The following RAD54B variants were observed in gnomAD, a reference collection of about 807,000 sequenced individuals.
RAD54B encodes the protein RAD54 homolog B, also known as DNA repair and recombination protein RAD54B.
A neutral mutation model predicts 95.8 loss-of-function variants in RAD54B; 78 were observed. The ratio of observed to expected loss-of-function variants is 0.81; its 90% CI spans 0.68 to 0.98. The LOEUF (loss-of-function observed/expected upper bound fraction) is 0.98, where lower values mean the gene tolerates loss of function less well. Among genes scored for constraint, RAD54B ranks in the 50% least tolerant of loss-of-function variants. The probability of loss-of-function intolerance (pLI) is 0.00; values close to 1 mark genes in which losing one functional copy is unlikely to be tolerated. For missense variants in RAD54B, 957 were observed against 1,056.6 expected (o/e 0.91, Z 1.31); for synonymous variants, 328 against 354.9 (o/e 0.92, Z 0.85).
chr8:94,374,645 A>T (rs886341044), intron 14 of RAD54B, among the ~76,000 whole-genome samples: 9 of 152,172 alleles, frequency 5.9e-5, no homozygotes, highest in African/African-American at 2.2e-4. Flanking sequence ...TTAAGACAAA[A>T]TGAAAGCAAA....
At chr8:94,437,039 T>A in intron 3 of RAD54B, 1 of 1,338,666 alleles carries the variant, frequency 7.5e-7, no homozygotes, top group East Asian at 2.7e-5. Context: ...CTGACGCAGG[T>A]TCAGGAAATC....
intron 14 of RAD54B, among the ~76,000 whole-genome samples, chr8:94,377,687 G>T (rs2515102): frequency 0.88 from 133,262 of 151,518 alleles, 59,461 homozygotes; most frequent in Non-Finnish European, 0.96. Context: ...GAGAATAAGA[G>T]TCTACTGGGC....
Position 94,427,826 on chromosome 8 carries a change from T to C in RAD54B, c.305-16511A>G. The C allele has an allele frequency of 3.1e-6, 3 of 962,518 alleles. No homozygotes were observed. In the South Asian group the frequency reaches 1.4e-4, roughly 46 times the overall value. The allele number at this position is 962,518 out of a possible 1,614,324, so 59.6% of individuals were successfully genotyped here. On this transcript the variant is annotated intron_variant, in intron 3 of 14. Coordinates refer to ENST00000336148, the MANE Select transcript of RAD54B (RefSeq NM_012415.3). ...TATTACACTCTAAGTTATTTAAACA[T>C]GTGTATTTAAAAGTTGACATTACTC...
intron 7 of RAD54B, 83 bp from the exon 8 acceptor site, chr8:94,399,704 C>G: frequency 5.6e-5 from 81 of 1,450,952 alleles, no homozygotes; most frequent in Non-Finnish European, 7.3e-5. Context: ...CTGACAGTCA[C>G]TTACTAAGAA....
chr8:94,420,253 T>A (rs111358968), intron 3 of RAD54B, among the ~76,000 whole-genome samples: 2 of 109,568 alleles, frequency 1.8e-5, no homozygotes, highest in Admixed American at 1.1e-4. Context: ...AAAACTTGAT[T>A]TTTTTTTTTT....
chr8:94,398,995 A>C (rs1422459391), intron 8 of RAD54B, among the ~76,000 whole-genome samples: 36 of 152,136 alleles, frequency 2.4e-4, no homozygotes, highest in Non-Finnish European at 2.1e-4. Flanking sequence ...GTAGTTTCCC[A>C]AGAACTTTAC....
intron 1 of RAD54B, among the ~76,000 whole-genome samples, chr8:94,468,413 T>G (rs1427894706): frequency 1.3e-5 from 2 of 151,856 alleles, no homozygotes; most frequent in African/African-American, 4.8e-5. Flanking sequence ...ATGACATATG[T>G]AAAAAGGTAA....
intron 4 of RAD54B, among the ~76,000 whole-genome samples, chr8:94,409,655 T>G (rs1586145237): frequency 6.6e-6 from 1 of 152,104 alleles, no homozygotes; most frequent in Non-Finnish European, 1.5e-5. Flanking sequence ...CGTGAGCCAC[T>G]ACACCCTTAA....
chr8:94,420,691 AAAG>A lies in RAD54B; in HGVS notation c.305-9379_305-9377del, dbSNP rs1398708312. On this transcript the variant is annotated intron_variant, in intron 3 of 14. Coordinates refer to ENST00000336148, the MANE Select transcript of RAD54B (RefSeq NM_012415.3). Reference sequence around the variant, plus strand: ...CAGGAAGAAACACATACATAAAAAAAAAGAAGTTTTTGGCCGTGCGCGGTGGCT... The same window carrying A: ...CAGGAAGAAACACATACATAAAAAAAAAGTTTTTGGCCGTGCGCGGTGGCT... Among the ~76,000 whole-genome samples, 5 of 152,240 alleles carry A rather than the reference AAAG, an allele frequency of 3.3e-5. No individual in the cohort carries two copies. The East Asian group carries it at 7.7e-4, about 23-fold the overall frequency.
chr8:94,467,476 G>A lies in RAD54B; in HGVS notation c.64C>T (p.Pro22Ser). ...GNSFKKPKFI[P>S]PGRSNPGLNE... ...AGACCTGGATTACTTCTTCCTGGAG[G>A]TATAAATTTTGGTTTTTTGAAGGAA... The change falls in exon 2 of 15, where the codon CCT becomes TCT. Residue 22 changes from proline (P) to serine (S), a missense_variant. Pro to Ser is a moderately conservative substitution (Grantham distance 74). Coordinates refer to ENST00000336148, the MANE Select transcript of RAD54B (RefSeq NM_012415.3). The A allele has an allele frequency of 6.2e-7, 1 of 1,613,464 alleles. No individual in the cohort carries two copies.
chr8:94,394,864 G>A (rs1444577781), intron 8 of RAD54B, among the ~76,000 whole-genome samples: 1 of 152,016 alleles, frequency 6.6e-6, no homozygotes, highest in Non-Finnish European at 1.5e-5. Flanking sequence ...TAATGTCAAG[G>A]AATTTAATAA....
At chr8:94,393,712 T>C in intron 9 of RAD54B, 31 bp downstream of exon 9, 4 of 1,518,700 alleles carry the variant, frequency 2.6e-6, no homozygotes, top group Non-Finnish European at 3.6e-6. Context: ...ATACGGCTTT[T>C]TAAAAACCTA....
chr8:94,431,860 T>C (rs749903104), intron 3 of RAD54B: 15 of 1,113,690 alleles, frequency 1.3e-5, no homozygotes, highest in East Asian at 5.1e-5. Context: ...TTTGTGTATA[T>C]CTTAGTGATC....
intron 6 of RAD54B, among the ~76,000 whole-genome samples, chr8:94,403,056 A>T (rs1197896280): frequency 3.9e-5 from 6 of 152,232 alleles, no homozygotes; most frequent in African/African-American, 1.4e-4. Flanking sequence ...TCTAGTTAAC[A>T]GTTTCTGGAA....
At chr8:94,397,012 C>T (rs80148528) in intron 8 of RAD54B, among the ~76,000 whole-genome samples, 2,159 of 152,208 alleles carry the variant, frequency 0.014, 46 homozygotes, top group African/African-American at 0.048. Flanking sequence ...CTTCCAGTCT[C>T]GAGAACTGTG....
intron 10 of RAD54B, among the ~76,000 whole-genome samples, chr8:94,389,910 AC>A (rs1810975129): frequency 6.6e-6 from 1 of 152,236 alleles, no homozygotes; most frequent in African/African-American, 2.4e-5. Flanking sequence ...TCAAGAATGT[AC>A]AAACATATTC....
intron 5 of RAD54B, among the ~76,000 whole-genome samples, chr8:94,405,407 A>C (rs936177623): frequency 2.0e-5 from 3 of 152,214 alleles, no homozygotes; most frequent in Non-Finnish European, 4.4e-5. Flanking sequence ...AGACTCCAGT[A>C]GACTATGTAA....
intron 2 of RAD54B, among the ~76,000 whole-genome samples, chr8:94,459,714 G>T (rs2130181314): frequency 6.6e-6 from 1 of 150,522 alleles, no homozygotes; most frequent in Admixed American, 6.6e-5. Context: ...ACAAAAATTA[G>T]CCAGACACGG....
At chr8:94,402,373 C>G (rs1320393259) in intron 6 of RAD54B, among the ~76,000 whole-genome samples, 1 of 151,966 alleles carries the variant, frequency 6.6e-6, no homozygotes, top group African/African-American at 2.4e-5. Flanking sequence ...CCTGCCTCAG[C>G]CTCCTGAGTA....
Sources: gnomAD v4.1 joint callset for allele counts (sites outside exome capture counted in the v4.1 genomes callset) on GRCh38, gnomAD v4.1.1 for gene constraint, MANE v1.5 for transcripts, NCBI Gene and HGNC (gene_info 2026-07-23, HGNC 2026-07-21) for gene names.